The following TTC29 variants were observed in gnomAD, a reference collection of about 807,000 sequenced individuals.
The protein encoded by TTC29 is tetratricopeptide repeat protein 29.
In TTC29, 49 loss-of-function variants were observed where a neutral mutation model predicts 58.1. The ratio of observed to expected loss-of-function variants is 0.84; its 90% CI spans 0.67 to 1.07. TTC29 has a LOEUF of 1.07. Among genes scored for constraint, TTC29 ranks in the 50% least tolerant of loss-of-function variants. TTC29 has a pLI of 0.00. For missense variants in TTC29, 582 were observed against 555.6 expected (o/e 1.05, Z -0.48); for synonymous variants, 209 against 196.8 (o/e 1.06, Z -0.52).
At chr4:146,815,406 A>G (rs529087523) in intron 10 of TTC29, among the ~76,000 whole-genome samples, 56 of 152,186 alleles carry the variant, frequency 3.7e-4, no homozygotes, top group Non-Finnish European at 6.8e-4. Context: ...GTTACTATTT[A>G]TTAAGGTGGA....
At chr4:146,807,189 A>G (rs1309410351) in intron 10 of TTC29, among the ~76,000 whole-genome samples, 1 of 152,350 alleles carries the variant, frequency 6.6e-6, no homozygotes, top group Non-Finnish European at 1.5e-5. Flanking sequence ...TTTGAAACCA[A>G]TGAGAACAAA....
rs1734089021 is a variant in TTC29, at chr4:146,914,452, A to T, written c.177-5203T>A. ...AACAGATGCTGTTTTTAAGCATCAG[A>T]AAAAGAAAAATCTTCTTGAACTGAT... On this transcript the variant is annotated intron_variant, in intron 4 of 12. Transcript: ENST00000325106. Among the ~76,000 whole-genome samples, 4 of 152,212 alleles carry T rather than the reference A, an allele frequency of 2.6e-5. 1 individual carries two copies. In the South Asian group the frequency reaches 8.3e-4, roughly 32 times the overall value.
At chr4:146,935,180 T>C (rs1735687437) in intron 4 of TTC29, among the ~76,000 whole-genome samples, 1 of 151,962 alleles carries the variant, frequency 6.6e-6, no homozygotes, top group South Asian at 2.1e-4. Flanking sequence ...GGGACCATGC[T>C]TAGATGACAG....
At position 146,707,189 on chromosome 4, in the gene TTC29, C is replaced by T; in HGVS notation, c.1398-1G>A. On this transcript the variant is annotated splice_acceptor_variant, in intron 12 of 12. Transcript: ENST00000325106. LOFTEE classifies it high-confidence loss of function. ...TTCATTTTTTTGATCACCTGGAAAC[C>T]TGAAATAAAATAAATTATAAATTTA... 2 of 1,503,230 alleles carry T rather than the reference C, an allele frequency of 1.3e-6. No individual in the cohort carries two copies. The highest frequency in any genetic ancestry group is 2.5e-5 in the East Asian group (1 of 40,084). 93.1% of individuals were successfully genotyped at this position (1,503,230 alleles called of 1,614,324 possible). A position where few individuals can be genotyped will look rare whatever the true frequency, so the allele number is the denominator to read the frequency against.
chr4:146,945,608 G>A (rs1158132273), intron 1 of TTC29, 101 bp downstream of exon 1: 2 of 152,728 alleles, frequency 1.3e-5, no homozygotes, highest in Non-Finnish European at 2.9e-5. Flanking sequence ...ATGGAGGAAG[G>A]GCTGGCTGTA....
At chr4:146,831,955 T>C (rs531886869) in intron 9 of TTC29, among the ~76,000 whole-genome samples, 23 of 152,166 alleles carry the variant, frequency 1.5e-4, no homozygotes, top group Admixed American at 3.9e-4. Flanking sequence ...TGCGATGAGG[T>C]CTTGCTATGT....
intron 10 of TTC29, among the ~76,000 whole-genome samples, chr4:146,815,376 T>C (rs1435041597): frequency 6.6e-6 from 1 of 152,122 alleles, no homozygotes; most frequent in Non-Finnish European, 1.5e-5. Context: ...TTGCCTTAAG[T>C]GACTGGGTGG....
intron 3 of TTC29, among the ~76,000 whole-genome samples, chr4:146,938,313 T>C (rs959328699): frequency 6.6e-6 from 1 of 152,122 alleles, no homozygotes; most frequent in African/African-American, 2.4e-5. Flanking sequence ...TAAACAAATA[T>C]CAGTGTTTTA....
intron 4 of TTC29, among the ~76,000 whole-genome samples, chr4:146,926,762 C>T (rs1326015860): frequency 6.6e-6 from 1 of 152,110 alleles, no homozygotes; most frequent in Non-Finnish European, 1.5e-5. Context: ...CACGTCCAGC[C>T]TACAAAGTTT....
intron 11 of TTC29, among the ~76,000 whole-genome samples, chr4:146,771,213 T>C (rs78364976): frequency 0.031 from 4,725 of 152,214 alleles, 241 homozygotes; most frequent in African/African-American, 0.11. Flanking sequence ...GTCAGTTTTA[T>C]GGTTAGGTTT....
chr4:146,727,328 T>C (rs1486887264), intron 11 of TTC29, among the ~76,000 whole-genome samples: 1 of 152,196 alleles, frequency 6.6e-6, no homozygotes, highest in Non-Finnish European at 1.5e-5. Flanking sequence ...TTTCTTATAA[T>C]GGATGAACCT....
At chr4:146,893,342 A>G (rs2150252228) in intron 6 of TTC29, among the ~76,000 whole-genome samples, 1 of 152,334 alleles carries the variant, frequency 6.6e-6, no homozygotes, top group South Asian at 2.1e-4. Context: ...CATATAGACC[A>G]ATGGAACAGA....
intron 9 of TTC29, among the ~76,000 whole-genome samples, chr4:146,829,912 T>G (rs1039777008): frequency 6.6e-6 from 1 of 152,188 alleles, no homozygotes; most frequent in Admixed American, 6.6e-5. Flanking sequence ...TTTGGAAAGT[T>G]GTGGCATTTC....
intron 11 of TTC29, among the ~76,000 whole-genome samples, chr4:146,789,473 G>T (rs1296269400): frequency 6.6e-6 from 1 of 152,144 alleles, no homozygotes; most frequent in African/African-American, 2.4e-5. Context: ...TCCTTGAGTT[G>T]CACCTTGAGA....
At chr4:146,829,845 T>C (rs1026914567) in intron 9 of TTC29, among the ~76,000 whole-genome samples, 1 of 152,196 alleles carries the variant, frequency 6.6e-6, no homozygotes, top group African/African-American at 2.4e-5. Context: ...GACCAATATG[T>C]ATTAAACATA....
chr4:146,711,910 G>C (rs140021605), intron 11 of TTC29, among the ~76,000 whole-genome samples: 4 of 152,110 alleles, frequency 2.6e-5, no homozygotes, highest in African/African-American at 7.2e-5. Context: ...ATTTTACAAG[G>C]CCACTGTACT....
intron 6 of TTC29, among the ~76,000 whole-genome samples, chr4:146,892,381 AC>A (rs1176579253): frequency 1.3e-5 from 2 of 152,174 alleles, no homozygotes; most frequent in Non-Finnish European, 2.9e-5. Context: ...GGTTCAACAT[AC>A]GCAAATCAAT....
intron 2 of TTC29, among the ~76,000 whole-genome samples, chr4:146,940,843 C>T (rs570849170): frequency 6.6e-6 from 1 of 152,306 alleles, no homozygotes; most frequent in Admixed American, 6.5e-5. Context: ...TAGGGTCTAA[C>T]CTTGGAAGTC....
At chr4:146,894,059 G>C (rs1178485550) in intron 6 of TTC29, among the ~76,000 whole-genome samples, 2 of 152,140 alleles carry the variant, frequency 1.3e-5, no homozygotes, top group Non-Finnish European at 2.9e-5. Context: ...TGGAGAAATA[G>C]GAACACTTTT....
Sources: gnomAD v4.1 joint callset for allele counts (sites outside exome capture counted in the v4.1 genomes callset) on GRCh38, gnomAD v4.1.1 for gene constraint, MANE v1.5 for transcripts, NCBI Gene and HGNC (gene_info 2026-07-23, HGNC 2026-07-21) for gene names.